Variants in CSMD1 observed in about 807,000 individuals in gnomAD.
The protein encoded by CSMD1 is CUB and Sushi multiple domains 1.
Under a neutral mutation model 417.5 loss-of-function variants are expected in CSMD1, and 213 were observed. The observed-to-expected ratio is 0.51, with a 90% CI of 0.46 to 0.57. The LOEUF (loss-of-function observed/expected upper bound fraction) is 0.57, where lower values mean the gene tolerates loss of function less well. CSMD1 is among the 20% of genes least tolerant of loss of function. The pLI is 0.00. For synonymous variants in CSMD1, 2,862 were observed against 1,736.8 expected (o/e 1.65, Z -16.11); for missense variants, 6,923 against 4,529.7 (o/e 1.53, Z -15.17).
At chr8:3,830,754 G>C (rs1802330833) in intron 5 of CSMD1, among the ~76,000 whole-genome samples, 1 of 152,104 alleles carries the variant, frequency 6.6e-6, no homozygotes, top group African/African-American at 2.4e-5. Context: ...TTATTCAAAA[G>C]AACTTAATCT....
chr8:4,352,390 A>T (rs746773806), intron 3 of CSMD1, among the ~76,000 whole-genome samples: 2 of 152,260 alleles, frequency 1.3e-5, no homozygotes, highest in African/African-American at 2.4e-5. Context: ...ATGTCTGTAG[A>T]TCCACAGAAA....
rs201150637 is a variant in CSMD1 at position 4,008,377 on chromosome 8, T to A, written c.611-10267A>T. ...CCATGGATACTAATAAGCATGAAAA[T>A]ATATCAAAGTTTTCAGACACTAATA... On this transcript the variant is annotated intron_variant, in intron 4 of 69. Coordinates refer to ENST00000635120, the MANE Select transcript of CSMD1 (RefSeq NM_033225.6). Among the ~76,000 whole-genome samples the A allele has an allele frequency of 5.3e-4, 81 of 151,968 alleles. 2 individuals are homozygous for A. In the East Asian group the frequency reaches 0.013, roughly 24 times the overall value.
chr8:3,037,420 G>A (rs993215144), intron 50 of CSMD1, among the ~76,000 whole-genome samples: 8 of 151,870 alleles, frequency 5.3e-5, no homozygotes, highest in Non-Finnish European at 1.2e-4. Context: ...GTGTTAGCCA[G>A]GGTGGTCTGG....
At chr8:4,618,599 G>A (rs921747610) in intron 2 of CSMD1, among the ~76,000 whole-genome samples, 4 of 152,070 alleles carry the variant, frequency 2.6e-5, no homozygotes, top group Admixed American at 6.6e-5. Flanking sequence ...GAAGGCTTTT[G>A]ATGTTTTTCT....
At chr8:3,267,729 C>T (rs73187518) in intron 26 of CSMD1, among the ~76,000 whole-genome samples, 34,702 of 152,102 alleles carry the variant, frequency 0.23, 4,964 homozygotes, top group Non-Finnish European at 0.32. Flanking sequence ...TTGGGTTACC[C>T]GGTGGGTGGG....
Position 4,962,026 on chromosome 8 carries a change from A to G in CSMD1, c.85+32306T>C, listed in dbSNP as rs532557476. On this transcript the variant is annotated intron_variant, in intron 1 of 69. Coordinates refer to ENST00000635120, the MANE Select transcript of CSMD1 (RefSeq NM_033225.6). Reference sequence around the variant, plus strand: ...TTCTGTTATCTCTCTGAGATTAGTAATAACTTTGGGAAGGTTTTTTTGATT... The same window carrying G: ...TTCTGTTATCTCTCTGAGATTAGTAGTAACTTTGGGAAGGTTTTTTTGATT... 1.6e-4 allele frequency among the ~76,000 whole-genome samples: 25 copies of G among 151,840 alleles called. No individual in the cohort carries two copies. In the South Asian group the frequency reaches 1.9e-3, roughly 11 times the overall value.
At chr8:3,261,045 AG>A (rs1437291795) in intron 26 of CSMD1, among the ~76,000 whole-genome samples, 1 of 152,238 alleles carries the variant, frequency 6.6e-6, no homozygotes, top group East Asian at 1.9e-4. Context: ...GAGGAAACAC[AG>A]GTGAGAACTA....
intron 5 of CSMD1, among the ~76,000 whole-genome samples, chr8:3,920,017 A>G (rs1399455656): frequency 6.6e-6 from 1 of 151,718 alleles, no homozygotes; most frequent in Non-Finnish European, 1.5e-5. Flanking sequence ...AGGATTTACC[A>G]AATTTGTTTT....
chr8:4,105,755 C>T (rs58437111), intron 3 of CSMD1, among the ~76,000 whole-genome samples: 5,811 of 152,270 alleles, frequency 0.038, 393 homozygotes, highest in African/African-American at 0.13. Context: ...TAAACATAAG[C>T]TTATTTCTCA....
At chr8:4,637,829 C>A (rs997919736) in intron 1 of CSMD1, among the ~76,000 whole-genome samples, 1 of 151,586 alleles carries the variant, frequency 6.6e-6, no homozygotes, top group African/African-American at 2.4e-5. Context: ...CGCCACCGCG[C>A]CCGGCTAATT....
At chr8:3,233,951 G>T (rs1050364647) in intron 26 of CSMD1, among the ~76,000 whole-genome samples, 1 of 152,204 alleles carries the variant, frequency 6.6e-6, no homozygotes. Context: ...CCCGCCGGCG[G>T]TTGTGAGTTG....
intron 33 of CSMD1, among the ~76,000 whole-genome samples, chr8:3,191,837 G>T (rs1218664088): frequency 6.6e-6 from 1 of 152,140 alleles, no homozygotes; most frequent in African/African-American, 2.4e-5. Flanking sequence ...CAGTGAAAAA[G>T]ACAGTATTTA....
At chr8:4,300,218 T>G (rs1340964592) in intron 3 of CSMD1, among the ~76,000 whole-genome samples, 1 of 152,202 alleles carries the variant, frequency 6.6e-6, no homozygotes, top group Non-Finnish European at 1.5e-5. Context: ...TAATGTTCAG[T>G]TTTGATAATG....
At chr8:3,686,664 C>T (rs954746645) in intron 7 of CSMD1, among the ~76,000 whole-genome samples, 1 of 152,208 alleles carries the variant, frequency 6.6e-6, no homozygotes, top group Non-Finnish European at 1.5e-5. Context: ...TACACTAACA[C>T]TTATCCACCT....
rs541173625 is a variant in CSMD1 at position 4,460,300 on chromosome 8, C to G, written c.303-40235G>C. 3.4e-4 allele frequency among the ~76,000 whole-genome samples: 52 copies of G among 151,990 alleles called. 1 individual carries two copies. Among genetic ancestry groups the G allele is most frequent in the Middle Eastern group, 3.4e-3 (1 of 294 alleles). On this transcript the variant is annotated intron_variant, in intron 2 of 69. Coordinates refer to ENST00000635120, the MANE Select transcript of CSMD1 (RefSeq NM_033225.6). ...AAATAATATGAACGAAAATGGAGATCAAATACATCAAAATGTATGAAATGC... is the reference window on the plus strand; with the variant it reads ...AAATAATATGAACGAAAATGGAGATGAAATACATCAAAATGTATGAAATGC...
At chr8:4,978,320 G>C (rs1176452494) in intron 1 of CSMD1, among the ~76,000 whole-genome samples, 1 of 152,068 alleles carries the variant, frequency 6.6e-6, no homozygotes, top group Non-Finnish European at 1.5e-5. Flanking sequence ...TTTGAGTCAG[G>C]ACACTCTAAT....
At chr8:3,370,543 G>C (rs1014765578) in intron 18 of CSMD1, among the ~76,000 whole-genome samples, 2 of 152,230 alleles carry the variant, frequency 1.3e-5, no homozygotes, top group African/African-American at 4.8e-5. Flanking sequence ...TGCCCAGATA[G>C]CTGGTAAGAG....
chr8:4,173,708 C>A (rs1439865702), intron 3 of CSMD1, among the ~76,000 whole-genome samples: 1 of 152,030 alleles, frequency 6.6e-6, no homozygotes, highest in Non-Finnish European at 1.5e-5. Context: ...TCAAATAATT[C>A]AGCAATCAAT....
intron 5 of CSMD1, among the ~76,000 whole-genome samples, chr8:3,968,854 G>C (rs925035236): frequency 6.6e-6 from 1 of 152,132 alleles, no homozygotes; most frequent in Non-Finnish European, 1.5e-5. Flanking sequence ...GGTTATATTC[G>C]ATCACACATC....
Sources: gnomAD v4.1 joint callset for allele counts (sites outside exome capture counted in the v4.1 genomes callset) on GRCh38, gnomAD v4.1.1 for gene constraint, MANE v1.5 for transcripts, NCBI Gene and HGNC (gene_info 2026-07-23, HGNC 2026-07-21) for gene names.